Variants in ASCC3 observed in about 807,000 individuals in gnomAD.
ASCC3 encodes activating signal cointegrator 1 complex subunit 3.
A neutral mutation model predicts 256.3 loss-of-function variants in ASCC3; 158 were observed. The observed-to-expected ratio is 0.62, with a 90% CI of 0.54 to 0.70. ASCC3 has a LOEUF of 0.70. Among genes scored for constraint, ASCC3 ranks in the 30% least tolerant of loss-of-function variants. The pLI is 0.00. For missense variants in ASCC3, 2,259 were observed against 2,626.0 expected (o/e 0.86, Z 3.05); for synonymous variants, 948 against 883.4 (o/e 1.07, Z -1.30).
At chr6:100,680,905 G>A (rs1777268519) in intron 13 of ASCC3, among the ~76,000 whole-genome samples, 1 of 152,132 alleles carries the variant, frequency 6.6e-6, no homozygotes, top group Non-Finnish European at 1.5e-5. Context: ...TATCTAGTCA[G>A]GGAATCGATA....
At chr6:100,836,406 T>C (rs1355779370) in intron 4 of ASCC3, among the ~76,000 whole-genome samples, 1 of 152,134 alleles carries the variant, frequency 6.6e-6, no homozygotes, top group Non-Finnish European at 1.5e-5. Flanking sequence ...CTATGTTATG[T>C]TGAGGTACAT....
chr6:100,781,502 G>C (rs1391741468), intron 8 of ASCC3, among the ~76,000 whole-genome samples: 2 of 151,410 alleles, frequency 1.3e-5, no homozygotes, highest in Non-Finnish European at 2.9e-5. Flanking sequence ...TCCTGCCTCA[G>C]CCTCCTGAGT....
chr6:100,842,396 C>G (rs1772185572), intron 4 of ASCC3, among the ~76,000 whole-genome samples: 1 of 152,132 alleles, frequency 6.6e-6, no homozygotes, highest in African/African-American at 2.4e-5. Context: ...CATAATCATA[C>G]TAAAACATTA....
At chr6:100,587,392 G>A (rs1002390450) in intron 36 of ASCC3, among the ~76,000 whole-genome samples, 4 of 152,058 alleles carry the variant, frequency 2.6e-5, no homozygotes. Flanking sequence ...GTATTATTTA[G>A]CATTTTGCTG....
rs1252652823 is a variant in ASCC3, at chr6:100,818,582, AAAGAAG to A, written c.802-12708_802-12703del. Among the ~76,000 whole-genome samples, 9 of 150,114 alleles carry A rather than the reference AAAGAAG, an allele frequency of 6.0e-5. No individual in the cohort carries two copies. The East Asian group carries it at 1.9e-3, about 32-fold the overall frequency. On this transcript the variant is annotated intron_variant, in intron 4 of 41. Transcript: ENST00000369162. Reference sequence around the variant, plus strand: ...AGACTCCGTCTCAAAAAAAAAAAAAAAAGAAGAAGAAAAATCTGCAGCTAACATACA... The same window carrying A: ...AGACTCCGTCTCAAAAAAAAAAAAAAAAGAAAAATCTGCAGCTAACATACA...
chr6:100,801,825 T>A (rs1328925968), intron 5 of ASCC3, among the ~76,000 whole-genome samples: 2 of 151,454 alleles, frequency 1.3e-5, no homozygotes, highest in Non-Finnish European at 2.9e-5. Context: ...TACTCTGAAC[T>A]CTTCATAAAA....
At chr6:100,811,796 G>T (rs919438481) in intron 4 of ASCC3, among the ~76,000 whole-genome samples, 1 of 152,102 alleles carries the variant, frequency 6.6e-6, no homozygotes, top group Admixed American at 6.6e-5. Context: ...GGTTGTATAG[G>T]AGGAGAGAAC....
intron 13 of ASCC3, among the ~76,000 whole-genome samples, chr6:100,682,613 A>G (rs542293704): frequency 6.6e-6 from 1 of 152,334 alleles, no homozygotes; most frequent in South Asian, 2.1e-4. Flanking sequence ...AGTTCCTACT[A>G]TGTGCCAAAT....
At chr6:100,723,860 T>TTA (rs58924032) in intron 11 of ASCC3, among the ~76,000 whole-genome samples, 5,044 of 109,726 alleles carry the variant, frequency 0.046, 87 homozygotes, top group Middle Eastern at 0.084. Flanking sequence ...TATTAGGGAA[T>TTA]TATATATATA....
Position 100,589,978 on chromosome 6 carries a change from C to T in ASCC3, c.5385G>A (p.Leu1795=). The T allele has an allele frequency of 6.2e-7, 1 of 1,613,318 alleles. No individual in the cohort carries two copies. The highest frequency in any genetic ancestry group is 8.5e-7 in the Non-Finnish European group (1 of 1,179,480). Residue 1795 remains leucine (L), a synonymous_variant, in exon 35 of 42, where the codon TTG becomes TTA. Coordinates refer to ENST00000369162, the MANE Select transcript of ASCC3 (RefSeq NM_006828.4). ...CAATTTCAATACAGTAGGAAAGTTC[C>T]AATTCAATCAGGGACTTCTCAATCA... ...SHLIEKSLIE[L]ELSYCIEIGE... is the part of the protein sequence containing the mutation.
chr6:100,787,596 T>A (rs774192720), intron 8 of ASCC3, among the ~76,000 whole-genome samples: 119 of 152,170 alleles, frequency 7.8e-4, no homozygotes, highest in Non-Finnish European at 1.3e-3. Context: ...AGACTTACTA[T>A]AAAGCTTCAG....
At chr6:100,723,408 TA>T (rs1026982346) in intron 11 of ASCC3, among the ~76,000 whole-genome samples, 3 of 151,884 alleles carry the variant, frequency 2.0e-5, no homozygotes, top group East Asian at 1.9e-4. Context: ...ACAACAAGAT[TA>T]TTTTTTTAAA....
chr6:100,777,497 C>G (rs999869482), intron 8 of ASCC3, among the ~76,000 whole-genome samples: 2 of 152,008 alleles, frequency 1.3e-5, no homozygotes, highest in Admixed American at 6.6e-5. Flanking sequence ...AACATGTTTA[C>G]TAATTTAAAA....
chr6:100,632,212 C>G (rs1774590560), intron 25 of ASCC3, among the ~76,000 whole-genome samples: 1 of 146,198 alleles, frequency 6.8e-6, no homozygotes, highest in South Asian at 2.1e-4. Flanking sequence ...AGAAGACAGT[C>G]CCACTTACAA....
chr6:100,513,895 T>C (rs895357951), intron 39 of ASCC3, among the ~76,000 whole-genome samples: 1 of 151,708 alleles, frequency 6.6e-6, no homozygotes, highest in Non-Finnish European at 1.5e-5. Flanking sequence ...TCAAGAAAAC[T>C]TCTCAATACA....
chr6:100,699,381 G>T (rs1778240883), intron 13 of ASCC3, among the ~76,000 whole-genome samples: 1 of 152,108 alleles, frequency 6.6e-6, no homozygotes, highest in African/African-American at 2.4e-5. Flanking sequence ...TGTAAGACAT[G>T]ACTTGCTTCT....
intron 4 of ASCC3, among the ~76,000 whole-genome samples, chr6:100,827,805 A>C (rs1771395557): frequency 1.3e-5 from 2 of 152,124 alleles, no homozygotes; most frequent in Non-Finnish European, 2.9e-5. Context: ...TTTTATTTTC[A>C]AACAATACAA....
At chr6:100,652,061 T>C (rs527618642) in intron 18 of ASCC3, among the ~76,000 whole-genome samples, 9 of 151,918 alleles carry the variant, frequency 5.9e-5, no homozygotes, top group Admixed American at 1.3e-4. Context: ...AGTCTGAAAA[T>C]TCTCAAAATA....
chr6:100,512,859 C>G lies in ASCC3; in HGVS notation c.6135G>C (p.Ser2045=), dbSNP rs147694095. The part of the protein sequence containing the change: ...VINVGISVKG[S]WDDLVEGHNE... ...TATGTCCTTCAACTAAGTCATCCCA[C>G]GAGCCTTTAACACTTATGCCAACAT... The change falls in exon 40 of 42, where the codon TCG becomes TCC. Residue 2045 remains serine (S), a synonymous_variant. Transcript: ENST00000369162. 3 of 1,613,982 alleles carry G rather than the reference C, an allele frequency of 1.9e-6. No homozygotes were observed. The highest frequency in any genetic ancestry group is 2.2e-5 in the East Asian group (1 of 44,874).
Sources: allele counts gnomAD v4.1 joint callset (sites outside exome capture counted in the v4.1 genomes callset), GRCh38; gene constraint gnomAD v4.1.1; transcripts MANE v1.5; gene names NCBI Gene and HGNC (gene_info 2026-07-23, HGNC 2026-07-21).